Variants in PSTPIP1 observed in about 807,000 individuals in gnomAD.
PSTPIP1 encodes proline-serine-threonine phosphatase-interacting protein 1.
In PSTPIP1, 66 loss-of-function variants were observed where a neutral mutation model predicts 69.6. The ratio of observed to expected loss-of-function variants is 0.95; its 90% CI spans 0.78 to 1.16. The LOEUF (loss-of-function observed/expected upper bound fraction) is 1.16. Ranked by LOEUF, PSTPIP1 falls within the 50% of genes most tolerant of loss-of-function variation. PSTPIP1 has a pLI of 0.00. For missense variants in PSTPIP1, 603 were observed against 557.4 expected (o/e 1.08, Z -0.82); for synonymous variants, 266 against 222.7 (o/e 1.19, Z -1.73).
intron 11 of PSTPIP1, chr15:77,032,655 C>A: frequency 1.6e-6 from 1 of 620,470 alleles, no homozygotes; most frequent in Non-Finnish European, 2.8e-6. Flanking sequence ...CCACTCCCCG[C>A]CTGTTTGGTT....
chr15:77,001,697 T>C (rs2075711304), intron 1 of PSTPIP1, among the ~76,000 whole-genome samples: 1 of 152,230 alleles, frequency 6.6e-6, no homozygotes, highest in African/African-American at 2.4e-5. Flanking sequence ...TAAGACCTGG[T>C]GTTCCCTGTA....
At chr15:77,018,416 G>A (rs138190798) in intron 2 of PSTPIP1, 41 bp from the exon 3 acceptor site, 49 of 1,553,880 alleles carry the variant, frequency 3.2e-5, no homozygotes, top group Admixed American at 9.8e-5. Flanking sequence ...CCCAGAGGTG[G>A]CAAGTCACTG....
At chr15:77,008,062 T>C in intron 1 of PSTPIP1, 1 of 456,408 alleles carries the variant, frequency 2.2e-6, no homozygotes, top group Non-Finnish European at 4.4e-6. Context: ...TGAGGATGGT[T>C]CAGGCAAGCA....
chr15:76,995,107 GC>G, upstream of PSTPIP1: 1 of 1,175,970 alleles, frequency 8.5e-7, no homozygotes, highest in Non-Finnish European at 1.1e-6. Flanking sequence ...CCCTGTGCCT[GC>G]CCCGGGGGAG....
At chr15:77,035,343 C>T (rs1379184696) in intron 12 of PSTPIP1, among the ~76,000 whole-genome samples, 165 bp from the exon 13 acceptor site, 2 of 152,174 alleles carry the variant, frequency 1.3e-5, no homozygotes, top group East Asian at 3.9e-4. Flanking sequence ...GCCCTCCTGC[C>T]TGAGGGGCAC....
chr15:76,997,571 G>T (rs939375136), intron 1 of PSTPIP1, among the ~76,000 whole-genome samples: 32 of 152,216 alleles, frequency 2.1e-4, no homozygotes, highest in Non-Finnish European at 3.1e-4. Flanking sequence ...ATTGAGGCAC[G>T]GAGATATTAA....
intron 12 of PSTPIP1, among the ~76,000 whole-genome samples, chr15:77,033,750 C>T (rs2152690220): frequency 6.6e-6 from 1 of 152,196 alleles, no homozygotes. Context: ...CATTCCAGGG[C>T]CTCAGGAGCC....
rs991166542 is a variant in PSTPIP1 at position 77,013,420 on chromosome 15, G to C, written c.37-4728G>C. ...TGGGGTCTCCATGGGGGGGTGGTGG[G>C]GCACAGGCCGTGACTGTAAAGGGGA... On this transcript the variant is annotated intron_variant, in intron 1 of 14. Transcript: ENST00000558012. 2.6e-5 allele frequency among the ~76,000 whole-genome samples: 4 copies of C among 152,188 alleles called. No individual in the cohort carries two copies. The East Asian group carries it at 7.7e-4, about 29-fold the overall frequency.
At chr15:77,003,947 C>T (rs2075766016) in intron 1 of PSTPIP1, among the ~76,000 whole-genome samples, 1 of 152,196 alleles carries the variant, frequency 6.6e-6, no homozygotes, top group Admixed American at 6.5e-5. Flanking sequence ...GAGCCTTATA[C>T]ATAGATCTTG....
intron 14 of PSTPIP1, 113 bp downstream of exon 14, chr15:77,036,048 G>A (rs1227825528): frequency 3.7e-6 from 5 of 1,355,858 alleles, no homozygotes; most frequent in South Asian, 3.0e-5. Flanking sequence ...ACTCATCTTC[G>A]AGCATCCTCT....
chr15:76,994,994 G>C, upstream of PSTPIP1: 1 of 1,185,802 alleles, frequency 8.4e-7, no homozygotes, highest in Non-Finnish European at 1.1e-6. Context: ...AATAAAGTGA[G>C]CCCGCACCTC....
chr15:77,016,963 A>G (rs1469974100), intron 1 of PSTPIP1, among the ~76,000 whole-genome samples: 1 of 151,880 alleles, frequency 6.6e-6, no homozygotes, highest in East Asian at 1.9e-4. Flanking sequence ...TGGAGACTGT[A>G]ATGTGTGTGG....
rs1484221194 is a variant in PSTPIP1 at position 77,018,530 on chromosome 15, A to G, written c.211A>G (p.Asn71Asp). Residue 71 changes from asparagine to aspartate, a missense_variant and splice_region_variant, in exon 3 of 15, where the codon AAC becomes GAC. Transcript: ENST00000558012. ...GAAGGCAGGTGGCCAGACGGAGATC[A>G]AGTAAGATCTCCCGGGCCCTGGGGC... is the stretch of plus-strand genomic sequence containing the variant. ...ARKAGGQTEINSLRASFDSLK... is the reference protein window; with the variant it reads ...ARKAGGQTEIDSLRASFDSLK... 4.5e-6 allele frequency: 7 copies of G among 1,562,436 alleles called. No homozygotes were observed. Among genetic ancestry groups the G allele is most frequent in the African/African-American group, 1.4e-5 (1 of 73,766 alleles).
At position 77,037,275 on chromosome 15, in the gene PSTPIP1, C is replaced by A; in HGVS notation, c.*99C>A. 2 of 1,456,296 alleles carry A rather than the reference C, an allele frequency of 1.4e-6. No individual in the cohort carries two copies. The highest frequency in any genetic ancestry group is 1.8e-6 in the Non-Finnish European group (2 of 1,086,706). 90.2% of individuals were successfully genotyped at this position (1,456,296 alleles called of 1,614,324 possible). The stretch of plus-strand genomic sequence containing the variant: ...GCTAGGGCCCAGAACCAAGCGTCCC[C>A]CAGCCCCGAGAGGGAGCCTGTCGTC... On this transcript the variant is annotated 3_prime_UTR_variant, in exon 15 of 15. Coordinates refer to ENST00000558012, the MANE Select transcript of PSTPIP1 (RefSeq NM_003978.5).
chr15:77,029,584 C>A lies in PSTPIP1; in HGVS notation c.562+10C>A. 6.4e-7 allele frequency: 1 copy of A among 1,570,388 alleles called. No homozygotes were observed. Among genetic ancestry groups the A allele is most frequent in the Non-Finnish European group, 8.6e-7 (1 of 1,158,754 alleles). ...TCGGCCACCGAGGCAGGTATGTGGG[C>A]CTGGCTGCCCCGTCCGACCAGGGCG... On this transcript the variant is annotated intron_variant, in intron 8 of 14. Coordinates refer to ENST00000558012, the MANE Select transcript of PSTPIP1 (RefSeq NM_003978.5).
intron 9 of PSTPIP1, 96 bp downstream of exon 9, chr15:77,030,677 T>G: frequency 8.2e-7 from 1 of 1,216,030 alleles, no homozygotes; most frequent in Non-Finnish European, 1.1e-6. Flanking sequence ...GTGAGGCAGT[T>G]GGGGAAGGTA....
At position 77,020,837 on chromosome 15, in the gene PSTPIP1, C is replaced by T. The variant is rs1339021422; in HGVS notation, c.212+2306C>T. On this transcript the variant is annotated intron_variant, in intron 3 of 14. Coordinates refer to ENST00000558012, the MANE Select transcript of PSTPIP1 (RefSeq NM_003978.5). ...TTGGTGGGGAAGTGTGAGCAGTGGC[C>T]GTGGACCTGTTTCCTCATCTTAGAC... is the stretch of plus-strand genomic sequence containing the variant. 3.3e-5 allele frequency among the ~76,000 whole-genome samples: 5 copies of T among 150,146 alleles called. No homozygotes were observed. The East Asian group carries it at 5.9e-4, about 18-fold the overall frequency.
chr15:77,018,400 G>C, intron 2 of PSTPIP1, 57 bp from the exon 3 acceptor site: 1 of 1,549,238 alleles, frequency 6.5e-7, no homozygotes, highest in Non-Finnish European at 8.7e-7. Context: ...TCAAACCTGG[G>C]CCTCCCCCAG....
chr15:77,000,659 A>G (rs1232369244), intron 1 of PSTPIP1, among the ~76,000 whole-genome samples: 1 of 152,106 alleles, frequency 6.6e-6, no homozygotes, highest in Non-Finnish European at 1.5e-5. Context: ...TGCCTTACAT[A>G]GGTGCAAGCA....
Sources: allele counts gnomAD v4.1 joint callset (sites outside exome capture counted in the v4.1 genomes callset), GRCh38; gene constraint gnomAD v4.1.1; transcripts MANE v1.5; gene names NCBI Gene and HGNC (gene_info 2026-07-23, HGNC 2026-07-21).